The following TRIP13 variants were observed in gnomAD, a reference collection of about 807,000 sequenced individuals.
The protein encoded by TRIP13 is thyroid hormone receptor interactor 13, also known as pachytene checkpoint protein 2 homolog.
A neutral mutation model predicts 54.4 loss-of-function variants in TRIP13; 25 were observed. The ratio of observed to expected loss-of-function variants is 0.46; its 90% CI spans 0.33 to 0.64. The LOEUF (loss-of-function observed/expected upper bound fraction) is 0.64, where lower values mean the gene tolerates loss of function less well. Among genes scored for constraint, TRIP13 ranks in the 30% least tolerant of loss-of-function variants. TRIP13 has a pLI of 0.02. For missense variants in TRIP13, 373 were observed against 534.2 expected, an observed-to-expected ratio of 0.70 and a Z score of 2.97; for synonymous variants, 207 against 207.8, an observed-to-expected ratio of 1.00 and a Z score of 0.03.
chr5:904,597 ACCCT>A (rs1580054952), intron 6 of TRIP13, among the ~76,000 whole-genome samples: 2 of 150,970 alleles, frequency 1.3e-5, no homozygotes, highest in East Asian at 3.9e-4. Flanking sequence ...AATTTCCTTG[ACCCT>A]CCCCTTTATC....
rs549367703 is a variant in TRIP13, at chr5:896,108, T to C, written c.259-557T>C. Among the ~76,000 whole-genome samples, 149 of 152,276 alleles carry C rather than the reference T, an allele frequency of 9.8e-4. 1 individual carries two copies. Among genetic ancestry groups the C allele is most frequent in the African/African-American group, 3.5e-3 (146 of 41,556 alleles). On this transcript the variant is annotated intron_variant, in intron 2 of 12. Transcript: ENST00000166345. ...GGAAGGATCACTTGAGGCCAGGAAT[T>C]GGAGAATGGCCCGGGGATCATAGCA... is the stretch of plus-strand genomic sequence containing the variant.
chr5:909,672 A>C (rs1053990378), intron 9 of TRIP13, among the ~76,000 whole-genome samples: 1 of 152,350 alleles, frequency 6.6e-6, no homozygotes, highest in Admixed American at 6.5e-5. Context: ...CCCCGAACAG[A>C]GGTTTACCCA....
At position 900,479 on chromosome 5, in the gene TRIP13, T is replaced by G; in HGVS notation, c.389-15T>G. ...TGCCTTCCTGAAATCAGGTCTTTGTTTAATTCTGTCACAGCTGAATTCCAT... is the reference window on the plus strand; with the variant it reads ...TGCCTTCCTGAAATCAGGTCTTTGTGTAATTCTGTCACAGCTGAATTCCAT... On this transcript the variant is annotated splice_polypyrimidine_tract_variant and intron_variant, in intron 3 of 12. Transcript: ENST00000166345. The G allele has an allele frequency of 1.2e-6, 2 of 1,613,404 alleles. No individual in the cohort carries two copies. Among genetic ancestry groups the G allele is most frequent in the Non-Finnish European group, 1.7e-6 (2 of 1,179,830 alleles).
Position 900,548 on chromosome 5 carries a change from A to T in TRIP13, c.443A>T (p.His148Leu), listed in dbSNP as rs749626469. Residue 148 changes from histidine to leucine, a missense_variant and splice_region_variant, in exon 4 of 13, where the codon CAT becomes CTT. Physicochemically the swap from His to Leu is moderately conservative, Grantham distance 99 (BLOSUM62 -3). Transcript: ENST00000166345. ...GTATACGATGTGGAAGTCAAATCCC[A>T]TGTAAGTTGCTGTGCCTTTTCCCAG... ...SLVYDVEVKS[H>L]LLDYVMTTLL... 1.9e-6 allele frequency: 3 copies of T among 1,611,358 alleles called. No individual in the cohort carries two copies. Among genetic ancestry groups the T allele is most frequent in the Non-Finnish European group, 8.5e-7 (1 of 1,179,388 alleles).
At chr5:906,647 G>C (rs1754121243) in intron 6 of TRIP13, among the ~76,000 whole-genome samples, 1 of 152,162 alleles carries the variant, frequency 6.6e-6, no homozygotes, top group Non-Finnish European at 1.5e-5. Flanking sequence ...CTGTCTGCGG[G>C]CTTCTGAATG....
rs73734410 is a variant in TRIP13 at position 912,343 on chromosome 5, C to G, written c.1020+347C>G. On this transcript the variant is annotated intron_variant, in intron 10 of 12. Transcript: ENST00000166345. This position sits in a 1 kb window ranked among gnomAD's most constrained non-coding sequence, Gnocchi z 7.2. Reference sequence around the variant, plus strand: ...CGGGCTTTTCCAATGCCCTGCCTCTCGGGGGCCTGTATCCTTACCTGAAAG... The same window carrying G: ...CGGGCTTTTCCAATGCCCTGCCTCTGGGGGGCCTGTATCCTTACCTGAAAG... 5.9e-5 allele frequency among the ~76,000 whole-genome samples: 9 copies of G among 151,912 alleles called. No individual in the cohort carries two copies. The highest frequency in any genetic ancestry group is 1.3e-4 in the Non-Finnish European group (9 of 68,002).
Position 896,686 on chromosome 5 carries a change from A to C in TRIP13, c.280A>C (p.Thr94Pro). Reference sequence around the variant, plus strand: ...TTAGCCCATCGATTTGAGTGCATGCACTGTTGCACTTCACATTTTCCAGCT... The same window carrying C: ...TTAGCCCATCGATTTGAGTGCATGCCCTGTTGCACTTCACATTTTCCAGCT... ...DSQPIDLSAC[T>P]VALHIFQLNE... The change falls in exon 3 of 13, where the codon ACT becomes CCT. Residue 94 changes from threonine (T) to proline (P), a missense_variant. Transcript: ENST00000166345. 3.1e-6 allele frequency: 5 copies of C among 1,613,346 alleles called. No homozygotes were observed. The highest frequency in any genetic ancestry group is 4.2e-6 in the Non-Finnish European group (5 of 1,179,500).
intron 1 of TRIP13, 100 bp downstream of exon 1, chr5:893,190 C>A: frequency 8.3e-7 from 1 of 1,212,010 alleles, no homozygotes. Flanking sequence ...CTGATGCGAC[C>A]GAACCCCAGG....
At chr5:902,614 A>G (rs73020929) in intron 5 of TRIP13, among the ~76,000 whole-genome samples, 11,690 of 152,194 alleles carry the variant, frequency 0.077, 1,413 homozygotes, top group African/African-American at 0.26. Flanking sequence ...AGGGTTGGTG[A>G]GTTTTCTCCC....
Position 912,569 on chromosome 5 carries a change from G to A in TRIP13, c.1020+573G>A, listed in dbSNP as rs1479676957. Among the ~76,000 whole-genome samples the A allele has an allele frequency of 1.3e-5, 2 of 149,428 alleles. No individual in the cohort carries two copies. The highest frequency in any genetic ancestry group is 4.9e-5 in the African/African-American group (2 of 40,648). ...TGCGGGGAGCGTGTGTGAGTCAGGA[G>A]GGCCGTCGCCACGGGCACAGTGACG... On this transcript the variant is annotated intron_variant, in intron 10 of 12. Transcript: ENST00000166345. The surrounding 1 kb of genome is among the most constrained non-coding windows in gnomAD (Gnocchi z 7.2).
chr5:904,520 TTCTG>T (rs1754066890), intron 6 of TRIP13, among the ~76,000 whole-genome samples: 1 of 152,132 alleles, frequency 6.6e-6, no homozygotes, highest in Non-Finnish European at 1.5e-5. Context: ...TCCTCTTGAG[TTCTG>T]TCTGTTTGGG....
At position 915,986 on chromosome 5, in the gene TRIP13, T is replaced by C; in HGVS notation, c.1203+13T>C. 6.2e-7 allele frequency: 1 copy of C among 1,613,818 alleles called. No homozygotes were observed. Among genetic ancestry groups the C allele is most frequent in the East Asian group, 2.2e-5 (1 of 44,880 alleles). On this transcript the variant is annotated intron_variant, in intron 12 of 12. Transcript: ENST00000166345. This position sits in a 1 kb window ranked among gnomAD's most constrained non-coding sequence, Gnocchi z 4.2. ...GCTGTATGTCCAGGTGAGTCTCCAC[T>C]GCTGTCCTCCAGCACCCGCCCTGTC...
intron 9 of TRIP13, among the ~76,000 whole-genome samples, chr5:909,762 C>T (rs961330770): frequency 1.2e-4 from 19 of 152,194 alleles, no homozygotes; most frequent in African/African-American, 4.6e-4. Flanking sequence ...TTACGGGAAA[C>T]GAAGGGATAG....
intron 4 of TRIP13, among the ~76,000 whole-genome samples, chr5:901,116 C>T (rs1457376735): frequency 6.6e-6 from 1 of 152,158 alleles, no homozygotes; most frequent in African/African-American, 2.4e-5. Context: ...TTTTGTTGCT[C>T]TTCTTATATT....
rs910699241 is a variant in TRIP13 at position 917,695 on chromosome 5, A to G, written c.*592A>G. The stretch of plus-strand genomic sequence containing the variant: ...GGTAAAGTGTTCTTTCATAATAAAT[A>G]ATCAGACATGGTCCCATTTGCAGGA... On this transcript the variant is annotated 3_prime_UTR_variant, in exon 13 of 13. Transcript: ENST00000166345. 1 of 152,302 alleles carries G rather than the reference A, an allele frequency of 6.6e-6. No homozygotes were observed. Among genetic ancestry groups the G allele is most frequent in the Non-Finnish European group, 1.5e-5 (1 of 68,106 alleles). The allele number at this position is 152,302 out of a possible 1,614,324, so 9.4% of individuals were successfully genotyped here.
rs535945337 is a variant in TRIP13 at position 916,758 on chromosome 5, G to A, written c.1204-250G>A. Among the ~76,000 whole-genome samples the A allele has an allele frequency of 3.1e-4, 47 of 152,144 alleles. 1 individual carries two copies. The highest frequency in any genetic ancestry group is 1.0e-3 in the African/African-American group (43 of 41,446). Reference sequence around the variant, plus strand: ...CCTTGGTGCTCCCCTGCCCACCCCCGCAGCTGTTTCTGACATTCAGGACAT... The same window carrying A: ...CCTTGGTGCTCCCCTGCCCACCCCCACAGCTGTTTCTGACATTCAGGACAT... On this transcript the variant is annotated intron_variant, in intron 12 of 12. Coordinates refer to ENST00000166345, the MANE Select transcript of TRIP13 (RefSeq NM_004237.4).
chr5:902,854 C>G (rs761839999), intron 5 of TRIP13, among the ~76,000 whole-genome samples: 2 of 152,146 alleles, frequency 1.3e-5, no homozygotes, highest in African/African-American at 2.4e-5. Flanking sequence ...ACAGGGGACC[C>G]TTCCCTGCCT....
At position 916,786 on chromosome 5, in the gene TRIP13, C is replaced by CG. The variant is rs1221868691; in HGVS notation, c.1204-217dup. Among the ~76,000 whole-genome samples, 168 of 148,066 alleles carry CG rather than the reference C, an allele frequency of 1.1e-3. 1 individual carries two copies. The highest frequency in any genetic ancestry group is 4.1e-3 in the African/African-American group (155 of 37,926). On this transcript the variant is annotated intron_variant, in intron 12 of 12. Transcript: ENST00000166345. ...GCTGTTTCTGACATTCAGGACATGG[C>CG]GGGGGCGGGGGTCACGTAGCCACCT... is the stretch of plus-strand genomic sequence containing the variant.
rs1754258353 is a variant in TRIP13, at chr5:912,497, T to TTG, written c.1020+510_1020+511dup. ...CCGTGGGCAGAGCGACGCGTGCGGGTTGTGTGTGTGAGTCAGGAAGGCCGT... is the reference window on the plus strand; with the variant it reads ...CCGTGGGCAGAGCGACGCGTGCGGGTTGTGTGTGTGTGAGTCAGGAAGGCCGT... On this transcript the variant is annotated intron_variant, in intron 10 of 12. Coordinates refer to ENST00000166345, the MANE Select transcript of TRIP13 (RefSeq NM_004237.4). This position sits in a 1 kb window ranked among gnomAD's most constrained non-coding sequence, Gnocchi z 7.2. 6.8e-6 allele frequency among the ~76,000 whole-genome samples: 1 copy of TTG among 148,126 alleles called. No homozygotes were observed. Among genetic ancestry groups the TTG allele is most frequent in the Admixed American group, 6.7e-5 (1 of 14,898 alleles).
Sources: allele counts gnomAD v4.1 joint callset (sites outside exome capture counted in the v4.1 genomes callset), GRCh38; gene constraint gnomAD v4.1.1; non-coding constraint Gnocchi (gnomAD v3.1); transcripts MANE v1.5; gene names NCBI Gene and HGNC (gene_info 2026-07-23, HGNC 2026-07-21).